The following SMAD2 variants were observed in gnomAD, a reference collection of about 807,000 sequenced individuals.
SMAD2 encodes SMAD family member 2.
Under a neutral mutation model 64.4 loss-of-function variants are expected in SMAD2, and 8 were observed. The observed-to-expected ratio is 0.12, with a 90% CI of 0.07 to 0.22. The LOEUF (loss-of-function observed/expected upper bound fraction) is 0.22, where lower values mean the gene tolerates loss of function less well. Ranked by LOEUF, SMAD2 falls within the 10% of genes least tolerant of loss-of-function variation. The pLI is 1.00. For missense variants in SMAD2, 289 were observed against 561.2 expected, an observed-to-expected ratio of 0.51 and a Z score of 4.90; for synonymous variants, 203 against 195.8, an observed-to-expected ratio of 1.04 and a Z score of -0.31.
rs1041018635 is a variant in SMAD2 at position 47,925,559 on chromosome 18, T to C, written c.-54+4802A>G. 5.0e-4 allele frequency among the ~76,000 whole-genome samples: 57 copies of C among 114,574 alleles called. No homozygotes were observed. In the Admixed American group the frequency reaches 5.3e-3, roughly 11 times the overall value. The allele number at this position is 114,574 out of a possible 152,430, so 75.2% of individuals were successfully genotyped here. On this transcript the variant is annotated intron_variant, in intron 1 of 10. Coordinates refer to ENST00000262160, the MANE Select transcript of SMAD2 (RefSeq NM_005901.6). ...ATTGCTGAACTGAAGCTGCGAGCTA[T>C]CTTTGAGATGTAAATCTAGAATCAA...
chr18:47,832,195 G>A lies in SMAD2; in HGVS notation c.*9632C>T, dbSNP rs531853142. On this transcript the variant is annotated 3_prime_UTR_variant, in exon 11 of 11. Transcript: ENST00000262160. The stretch of plus-strand genomic sequence containing the variant: ...CTCTTCAGCCATTTGATGAACATGT[G>A]GAATTATGGATGCTAGGGCCATTAT... The A allele has an allele frequency of 1.3e-5, 2 of 152,252 alleles. No homozygotes were observed. The highest frequency in any genetic ancestry group is 2.1e-4 in the South Asian group (1 of 4,812). 9.4% of individuals were successfully genotyped at this position (152,252 alleles called of 1,614,324 possible).
At chr18:47,855,039 T>A (rs1217335088) in intron 6 of SMAD2, among the ~76,000 whole-genome samples, 2 of 152,206 alleles carry the variant, frequency 1.3e-5, no homozygotes, top group Non-Finnish European at 2.9e-5. Context: ...AGTAACCACT[T>A]ATCTTTCTAC....
At chr18:47,904,258 A>G (rs2033815330) in intron 1 of SMAD2, among the ~76,000 whole-genome samples, 1 of 149,246 alleles carries the variant, frequency 6.7e-6, no homozygotes, top group Admixed American at 6.8e-5. Context: ...TATGAAGCAA[A>G]TGCCTTCAAC....
At chr18:47,914,151 G>A (rs2034247875) in intron 1 of SMAD2, among the ~76,000 whole-genome samples, 1 of 152,114 alleles carries the variant, frequency 6.6e-6, no homozygotes, top group East Asian at 1.9e-4. Flanking sequence ...TCAACTATGT[G>A]GTCCTTTTCT....
rs931145664 is a variant in SMAD2, at chr18:47,835,623, A to C, written c.*6204T>G. On this transcript the variant is annotated 3_prime_UTR_variant, in exon 11 of 11. Transcript: ENST00000262160. ...ACAGCATTATAAAGGATAGAACTTA[A>C]TATAGAACCAGAAATATGGCAAGTT... 2.1e-5 allele frequency: 4 copies of C among 193,958 alleles called. No homozygotes were observed. Among genetic ancestry groups the C allele is most frequent in the Non-Finnish European group, 3.2e-5 (3 of 93,076 alleles). The allele number at this position is 193,958 out of a possible 1,614,324, so 12.0% of individuals were successfully genotyped here. A position where few individuals can be genotyped will look rare whatever the true frequency, so the allele number is the denominator to read the frequency against.
rs200153023 is a variant in SMAD2, at chr18:47,917,747, G to A, written c.-54+12614C>T. Among the ~76,000 whole-genome samples, 57 of 152,038 alleles carry A rather than the reference G, an allele frequency of 3.7e-4. No homozygotes were observed. In the East Asian group the frequency reaches 9.7e-3, roughly 26 times the overall value. On this transcript the variant is annotated intron_variant, in intron 1 of 10. Coordinates refer to ENST00000262160, the MANE Select transcript of SMAD2 (RefSeq NM_005901.6). Reference sequence around the variant, plus strand: ...ATAAAGAATTTTTTTTTTAAGATATGGGTTCTCCCTATGTTGTCTAGGCTT... The same window carrying A: ...ATAAAGAATTTTTTTTTTAAGATATAGGTTCTCCCTATGTTGTCTAGGCTT...
rs78715105 is a variant in SMAD2 at position 47,820,001 on chromosome 18, G to T, written c.*21826C>A. On this transcript the variant is annotated 3_prime_UTR_variant, in exon 11 of 11. Coordinates refer to ENST00000262160, the MANE Select transcript of SMAD2 (RefSeq NM_005901.6). ...AACTCCAGCCTGGGTAACACAGCAA[G>T]ACATTGTCTCTAAAAAATAAACCAA... 6.6e-6 allele frequency: 1 copy of T among 152,230 alleles called. No homozygotes were observed. The highest frequency in any genetic ancestry group is 2.0e-4 in the South Asian group (1 of 4,950). 9.4% of individuals were successfully genotyped at this position (152,230 alleles called of 1,614,324 possible). A position where few individuals can be genotyped will look rare whatever the true frequency, so the allele number is the denominator to read the frequency against.
chr18:47,829,290 T>A lies in SMAD2; in HGVS notation c.*12537A>T, dbSNP rs1402440545. On this transcript the variant is annotated 3_prime_UTR_variant, in exon 11 of 11. Transcript: ENST00000262160. ...AATGTCCTATTCATTCATACCTCCA[T>A]CTACTTCCTCTGTCACATACTATTT... 4 of 152,284 alleles carry A rather than the reference T, an allele frequency of 2.6e-5. No homozygotes were observed. The highest frequency in any genetic ancestry group is 2.0e-4 in the Admixed American group (3 of 15,294). 9.4% of individuals were successfully genotyped at this position (152,284 alleles called of 1,614,324 possible).
chr18:47,870,097 T>C (rs2031841984), intron 3 of SMAD2, among the ~76,000 whole-genome samples: 1 of 102,190 alleles, frequency 9.8e-6, no homozygotes, highest in South Asian at 3.9e-4. Context: ...ATTAAGTATG[T>C]ATTTATTAGT....
At chr18:47,845,319 A>C in intron 10 of SMAD2, 21 bp downstream of exon 10, 1 of 1,609,524 alleles carries the variant, frequency 6.2e-7, no homozygotes, top group Admixed American at 1.7e-5. Flanking sequence ...GAAATTTAAG[A>C]ACCAAATATG....
intron 2 of SMAD2, among the ~76,000 whole-genome samples, chr18:47,877,461 AC>A (rs2032330915): frequency 1.3e-5 from 2 of 152,244 alleles, no homozygotes; most frequent in Admixed American, 1.3e-4. Context: ...AGAGTTAATC[AC>A]TGTAATAATT....
intron 1 of SMAD2, among the ~76,000 whole-genome samples, chr18:47,918,770 AG>A (rs1453592180): frequency 6.6e-6 from 1 of 152,216 alleles, no homozygotes; most frequent in Non-Finnish European, 1.5e-5. Context: ...AAAAATCAAT[AG>A]AAGTGCTAGA....
At position 47,900,443 on chromosome 18, in the gene SMAD2, G is replaced by A. The variant is rs187226657; in HGVS notation, c.-53-3634C>T. ...CCTCTATTTAACGGCTGTAGGATCC[G>A]TAGTGATGTGACATTTTTCAATTCC... On this transcript the variant is annotated intron_variant, in intron 1 of 10. Coordinates refer to ENST00000262160, the MANE Select transcript of SMAD2 (RefSeq NM_005901.6). 2.4e-3 allele frequency among the ~76,000 whole-genome samples: 366 copies of A among 152,200 alleles called. 1 individual carries two copies. Among genetic ancestry groups the A allele is most frequent in the Non-Finnish European group, 4.5e-3 (304 of 67,992 alleles).
intron 1 of SMAD2, among the ~76,000 whole-genome samples, chr18:47,928,756 G>A (rs746355756): frequency 1.3e-5 from 2 of 152,280 alleles, no homozygotes; most frequent in Non-Finnish European, 1.5e-5. Context: ...TAGAAGGTGT[G>A]GCTAAGTATA....
intron 4 of SMAD2, among the ~76,000 whole-genome samples, chr18:47,868,930 A>T (rs1230333759): frequency 6.6e-6 from 1 of 152,214 alleles, no homozygotes; most frequent in East Asian, 1.9e-4. Flanking sequence ...CAAGTGCAAA[A>T]TGCTTGAAAA....
chr18:47,834,606 C>T lies in SMAD2; in HGVS notation c.*7221G>A, dbSNP rs1913234901. On this transcript the variant is annotated 3_prime_UTR_variant, in exon 11 of 11. Coordinates refer to ENST00000262160, the MANE Select transcript of SMAD2 (RefSeq NM_005901.6). ...TTACATCACTAGCTAATGGCTAGTT[C>T]CTCTAAGCTTGCTAAAAGGCTAGGA... 4.8e-6 allele frequency: 1 copy of T among 207,878 alleles called. No individual in the cohort carries two copies. Among genetic ancestry groups the T allele is most frequent in the African/African-American group, 2.3e-5 (1 of 43,410 alleles). The allele number at this position is 207,878 out of a possible 1,614,324, so 12.9% of individuals were successfully genotyped here.
At chr18:47,929,574 GT>G (rs1447675478) in intron 1 of SMAD2, among the ~76,000 whole-genome samples, 1 of 152,088 alleles carries the variant, frequency 6.6e-6, no homozygotes, top group Non-Finnish European at 1.5e-5. Context: ...TTGCAAATTC[GT>G]TTTACCTGGA....
Position 47,816,631 on chromosome 18 carries a change from G to A in SMAD2, c.*25196C>T, listed in dbSNP as rs1229068875. The A allele has an allele frequency of 1.3e-5, 2 of 152,084 alleles. No homozygotes were observed. The highest frequency in any genetic ancestry group is 4.8e-5 in the African/African-American group (2 of 41,402). 9.4% of individuals were successfully genotyped at this position (152,084 alleles called of 1,614,324 possible). ...CCACTGCCTGTCCAACTTCAGAGTG[G>A]CACCACCCTTGCTATTGATCTTTGT... On this transcript the variant is annotated 3_prime_UTR_variant, in exon 11 of 11. Transcript: ENST00000262160.
In SMAD2 at chr18:47,825,821, C is replaced by T. The variant is rs1912733545; in HGVS notation, c.*16006G>A. 6.6e-6 allele frequency: 1 copy of T among 152,200 alleles called. No individual in the cohort carries two copies. The highest frequency in any genetic ancestry group is 2.1e-4 in the South Asian group (1 of 4,834). 9.4% of individuals were successfully genotyped at this position (152,200 alleles called of 1,614,324 possible). ...AAAGTTAAAACATGCCTTGATCAGT[C>T]AACCAAATTACTGCTAAACCAGTAT... On this transcript the variant is annotated 3_prime_UTR_variant, in exon 11 of 11. Transcript: ENST00000262160.
Sources: gnomAD v4.1 joint callset for allele counts (sites outside exome capture counted in the v4.1 genomes callset) on GRCh38, gnomAD v4.1.1 for gene constraint, MANE v1.5 for transcripts, NCBI Gene and HGNC (gene_info 2026-07-23, HGNC 2026-07-21) for gene names.